Variants in SHTN1 observed in about 807,000 individuals in gnomAD.
SHTN1 encodes the protein shootin-1.
Under a neutral mutation model 83.1 loss-of-function variants are expected in SHTN1, and 42 were observed. That is an observed-to-expected ratio of 0.51 (90% CI 0.39 to 0.65). SHTN1 has a LOEUF of 0.65. SHTN1 is among the 30% of genes least tolerant of loss of function. The pLI is 0.00. For missense variants in SHTN1, 622 were observed against 737.8 expected, an observed-to-expected ratio of 0.84 and a Z score of 1.82; for synonymous variants, 224 against 247.7, an observed-to-expected ratio of 0.90 and a Z score of 0.90.
At chr10:117,036,848 G>C (rs1467296882) in intron 2 of SHTN1, among the ~76,000 whole-genome samples, 1 of 152,066 alleles carries the variant, frequency 6.6e-6, no homozygotes, top group African/African-American at 2.4e-5. Flanking sequence ...ACATAATGTG[G>C]CTATTATGCA....
At chr10:117,057,731 C>A (rs924453159) in intron 1 of SHTN1, among the ~76,000 whole-genome samples, 2 of 152,066 alleles carry the variant, frequency 1.3e-5, no homozygotes, top group Admixed American at 6.6e-5. Context: ...ACACAGCCTA[C>A]AACAATCTAA....
At chr10:117,044,839 T>C (rs1405831029) in intron 2 of SHTN1, among the ~76,000 whole-genome samples, 1 of 152,192 alleles carries the variant, frequency 6.6e-6, no homozygotes, top group Non-Finnish European at 1.5e-5. Flanking sequence ...ACATTTTCAA[T>C]GAAAGTCCTA....
rs144441959 is a variant in SHTN1 at position 117,112,000 on chromosome 10, C to G, written c.-189+14307G>C. Among the ~76,000 whole-genome samples, 490 of 152,212 alleles carry G rather than the reference C, an allele frequency of 3.2e-3. 1 individual carries two copies. Among genetic ancestry groups the G allele is most frequent in the Admixed American group, 5.2e-3 (79 of 15,286 alleles). On this transcript the variant is annotated intron_variant, in intron 1 of 17. Coordinates refer to the SHTN1 transcript ENST00000392901. The stretch of plus-strand genomic sequence containing the variant: ...TTTTCTTTTGAGACAGAATGTTTCT[C>G]TGTCACCCAGGCTGGAGTCCAGTGG...
intron 1 of SHTN1, among the ~76,000 whole-genome samples, chr10:117,073,615 T>C (rs767273421): frequency 1.3e-5 from 2 of 152,202 alleles, no homozygotes; most frequent in Admixed American, 6.5e-5. Flanking sequence ...ATCCAGAACA[T>C]ACCAACATCA....
chr10:117,122,599 A>G (rs759960594), intron 1 of SHTN1, among the ~76,000 whole-genome samples: 3 of 152,210 alleles, frequency 2.0e-5, no homozygotes, highest in Non-Finnish European at 2.9e-5. Flanking sequence ...ATCACCTCAC[A>G]TCTCTTAGGA....
At chr10:117,116,281 G>T (rs982683743) in intron 1 of SHTN1, among the ~76,000 whole-genome samples, 3 of 151,986 alleles carry the variant, frequency 2.0e-5, no homozygotes, top group Admixed American at 2.0e-4. Context: ...AAGCTATTAT[G>T]AATAACTATA....
intron 1 of SHTN1, among the ~76,000 whole-genome samples, chr10:117,065,856 A>AAGGGAG (rs1564947544): frequency 2.7e-5 from 1 of 37,060 alleles, no homozygotes; most frequent in African/African-American, 1.3e-4. Flanking sequence ...AAGGAAGGAA[A>AAGGGAG]GGAGGGAGGG....
At chr10:116,963,054 T>G (rs1850246998) in intron 3 of SHTN1, among the ~76,000 whole-genome samples, 3 of 34,752 alleles carry the variant, frequency 8.6e-5, no homozygotes, top group African/African-American at 3.4e-4. Flanking sequence ...TTTTTTTTTT[T>G]TTTTTTTTTT....
chr10:117,016,109 A>G (rs1316134170), intron 2 of SHTN1, among the ~76,000 whole-genome samples: 1 of 152,202 alleles, frequency 6.6e-6, no homozygotes, highest in Non-Finnish European at 1.5e-5. Context: ...TCTTATACAG[A>G]TTCACAAATG....
chr10:116,893,580 A>ACACACACACACACACACACACACC (rs1847413951), intron 16 of SHTN1, among the ~76,000 whole-genome samples: 1 of 148,418 alleles, frequency 6.7e-6, no homozygotes, highest in African/African-American at 2.6e-5. Context: ...TCATGTGCAC[A>ACACACACACACACACACACACACC]CACACACACA....
chr10:116,926,007 A>G (rs1848731581), intron 11 of SHTN1, among the ~76,000 whole-genome samples: 1 of 152,178 alleles, frequency 6.6e-6, no homozygotes, highest in Admixed American at 6.5e-5. Context: ...TCACAAAAAA[A>G]AAACTCTTTT....
intron 13 of SHTN1, among the ~76,000 whole-genome samples, chr10:116,914,130 C>T (rs2133352224): frequency 6.6e-6 from 1 of 152,324 alleles, no homozygotes; most frequent in Non-Finnish European, 1.5e-5. Flanking sequence ...TATAGCCACT[C>T]TCGCCTTGCC....
At chr10:117,122,367 A>G (rs1271253016) in intron 1 of SHTN1, among the ~76,000 whole-genome samples, 2 of 152,128 alleles carry the variant, frequency 1.3e-5, no homozygotes, top group Admixed American at 1.3e-4. Context: ...TTTGGTGGAG[A>G]CAGAGTCTCA....
intron 9 of SHTN1, among the ~76,000 whole-genome samples, chr10:116,933,998 C>T (rs1849064011): frequency 6.6e-6 from 1 of 152,044 alleles, no homozygotes; most frequent in East Asian, 1.9e-4. Context: ...ATACTTTGCC[C>T]ACTTTTTGAT....
intron 1 of SHTN1, among the ~76,000 whole-genome samples, chr10:116,999,146 A>G (rs1295317245): frequency 2.0e-5 from 3 of 152,190 alleles, no homozygotes; most frequent in Non-Finnish European, 4.4e-5. Context: ...ATTATTTGTA[A>G]TAGCAAAAAC....
chr10:117,039,085 G>C (rs774118239), intron 2 of SHTN1, among the ~76,000 whole-genome samples: 2 of 152,170 alleles, frequency 1.3e-5, no homozygotes, highest in Non-Finnish European at 2.9e-5. Flanking sequence ...AAAGCTGGAG[G>C]CACCAAGATG....
rs1166976309 is a variant in SHTN1 at position 117,071,165 on chromosome 10, TG to T, written c.-188-22656del. Among the ~76,000 whole-genome samples, 3 of 152,192 alleles carry T rather than the reference TG, an allele frequency of 2.0e-5. No homozygotes were observed. The East Asian group carries it at 5.8e-4, about 29-fold the overall frequency. On this transcript the variant is annotated intron_variant, in intron 1 of 17. Coordinates refer to the SHTN1 transcript ENST00000392901. ...AGATTTAAGCAAAATGAGTTTTAATTGTCTTTTTAAAGTAATTTTCTGTGCT... is the reference window on the plus strand; with the variant it reads ...AGATTTAAGCAAAATGAGTTTTAATTTCTTTTTAAAGTAATTTTCTGTGCT...
At chr10:116,973,828 C>G in intron 2 of SHTN1, 1 of 1,227,736 alleles carries the variant, frequency 8.1e-7, no homozygotes, top group Non-Finnish European at 1.1e-6. Flanking sequence ...TGCCCAGCAT[C>G]AGAATTGTGT....
upstream of SHTN1, chr10:117,005,246 TC>T: frequency 6.8e-7 from 1 of 1,476,900 alleles, no homozygotes; most frequent in Non-Finnish European, 9.0e-7. Context: ...AGTGAGATCA[TC>T]CCCACGCACC....
Sources: gnomAD v4.1 joint callset for allele counts (sites outside exome capture counted in the v4.1 genomes callset) on GRCh38, gnomAD v4.1.1 for gene constraint, MANE v1.5 for transcripts, NCBI Gene and HGNC (gene_info 2026-07-23, HGNC 2026-07-21) for gene names.